LDB3: variants seen among roughly 807,000 people sequenced by gnomAD.
LDB3 encodes the protein LIM domain-binding protein 3.
Under a neutral mutation model 69.0 loss-of-function variants are expected in LDB3, and 49 were observed. That is an observed-to-expected ratio of 0.71 (90% CI 0.56 to 0.90). The LOEUF (loss-of-function observed/expected upper bound fraction) is 0.90. LDB3 is among the 40% of genes least tolerant of loss of function. The pLI is 0.00. For synonymous variants in LDB3, 387 were observed against 396.2 expected (o/e 0.98, Z 0.28); for missense variants, 928 against 974.1 (o/e 0.95, Z 0.63).
At chr10:86,727,200 T>C (rs1362340806) in intron 13 of LDB3, among the ~76,000 whole-genome samples, 8 of 151,854 alleles carry the variant, frequency 5.3e-5, no homozygotes, top group Non-Finnish European at 1.2e-4. Flanking sequence ...TTGTGTATTT[T>C]TAGTAGAGAG....
chr10:86,697,108 C>T (rs1007437580), intron 7 of LDB3, among the ~76,000 whole-genome samples: 3 of 152,158 alleles, frequency 2.0e-5, no homozygotes, highest in African/African-American at 2.4e-5. Flanking sequence ...GACATGGGGG[C>T]CAGCCCCGAT....
intron 7 of LDB3, among the ~76,000 whole-genome samples, chr10:86,705,596 T>TG (rs1195928852): frequency 3.3e-5 from 5 of 152,166 alleles, no homozygotes; most frequent in African/African-American, 9.6e-5. Flanking sequence ...GCACTCAGGG[T>TG]GGGGGTGTGG....
At chr10:86,676,427 G>A (rs989734948) in intron 2 of LDB3, among the ~76,000 whole-genome samples, 1 of 152,088 alleles carries the variant, frequency 6.6e-6, no homozygotes, top group African/African-American at 2.4e-5. Flanking sequence ...GCCGGGCATG[G>A]TGGCATGCGC....
Position 86,716,374 on chromosome 10 carries a change from A to G in LDB3, c.1279A>G (p.Thr427Ala), listed in dbSNP as rs1589674440. The G allele has an allele frequency of 5.6e-6, 9 of 1,597,178 alleles. No individual in the cohort carries two copies. Among genetic ancestry groups the G allele is most frequent in the Non-Finnish European group, 7.7e-6 (9 of 1,175,320 alleles). ...SPSPGANYSP[T>A]PYTPSPAPAY... ...GTCCCCAGGGGCCAATTACAGTCCC[A>G]CTCCCTACACCCCCTCCCCTGCCCC... Residue 427 changes from threonine to alanine, a missense_variant, in exon 10 of 14, where the codon ACT (threonine) becomes GCT (alanine). Transcript: ENST00000361373.
intron 7 of LDB3, among the ~76,000 whole-genome samples, chr10:86,696,950 G>C (rs1445605205): frequency 6.6e-6 from 1 of 152,194 alleles, no homozygotes; most frequent in East Asian, 1.9e-4. Flanking sequence ...CTAGACTGGT[G>C]GTTTTCAAAT....
chr10:86,685,774 G>A, intron 5 of LDB3: 2 of 1,542,120 alleles, frequency 1.3e-6, no homozygotes, highest in Non-Finnish European at 1.8e-6. Context: ...GTCTGGCGTG[G>A]ATAGAGTGTG....
chr10:86,674,847 A>G (rs188795481), intron 2 of LDB3, among the ~76,000 whole-genome samples: 371 of 152,254 alleles, frequency 2.4e-3, no homozygotes, highest in Non-Finnish European at 4.4e-3. Context: ...GACTCTGGGC[A>G]AGGGTCTGAG....
chr10:86,671,676 G>A (rs1187473629), intron 2 of LDB3, among the ~76,000 whole-genome samples: 5 of 152,228 alleles, frequency 3.3e-5, no homozygotes, highest in Non-Finnish European at 7.3e-5. Flanking sequence ...GGCTGGGGCT[G>A]TGGTCTGGGG....
Position 86,681,681 on chromosome 10 carries a change from G to T in LDB3, c.567G>T (p.Ser189=), listed in dbSNP as rs778777214. Residue 189 remains serine (S), a synonymous_variant, in exon 5 of 14, where the codon TCG becomes TCT. Coordinates refer to ENST00000361373, the MANE Select transcript of LDB3 (RefSeq NM_007078.3). The part of the protein sequence containing the change: ...DLLGPKALPG[S]SQPRQYNNPI... ...TCGGCCCAAAAGCCCTGCCGGGCTC[G>T]AGCCAGCCGAGGCAATATAACAACC... 5 of 1,613,440 alleles carry T rather than the reference G, an allele frequency of 3.1e-6. No homozygotes were observed. The highest frequency in any genetic ancestry group is 2.2e-5 in the South Asian group (2 of 91,058).
intron 2 of LDB3, among the ~76,000 whole-genome samples, chr10:86,674,952 C>G (rs1254995431): frequency 1.3e-5 from 2 of 151,982 alleles, no homozygotes; most frequent in Admixed American, 6.5e-5. Context: ...CTGCCTCCAT[C>G]CTGCCTGAAG....
chr10:86,670,829 T>C (rs1286911782), intron 2 of LDB3, among the ~76,000 whole-genome samples: 2 of 152,254 alleles, frequency 1.3e-5, no homozygotes, highest in African/African-American at 2.4e-5. Context: ...GACTGGGTAC[T>C]GGAGCCTTCC....
intron 6 of LDB3, 66 bp downstream of exon 6, chr10:86,692,131 C>A: frequency 6.4e-7 from 1 of 1,572,004 alleles, no homozygotes; most frequent in South Asian, 1.1e-5. Context: ...GGGACCTGGG[C>A]CCAGCACTGC....
chr10:86,693,756 G>A (rs1845879444), intron 7 of LDB3, among the ~76,000 whole-genome samples: 1 of 152,212 alleles, frequency 6.6e-6, no homozygotes, highest in Non-Finnish European at 1.5e-5. Context: ...AAGTGCCAGA[G>A]CTCTCAGCTC....
At chr10:86,693,227 T>G (rs1845851119) in intron 7 of LDB3, among the ~76,000 whole-genome samples, 1 of 149,884 alleles carries the variant, frequency 6.7e-6, no homozygotes, top group Non-Finnish European at 1.5e-5. Flanking sequence ...TAGCATGAGG[T>G]GGGCATGGGG....
chr10:86,673,567 A>T (rs374963515), intron 2 of LDB3, among the ~76,000 whole-genome samples: 12 of 152,002 alleles, frequency 7.9e-5, no homozygotes, highest in African/African-American at 2.9e-4. Context: ...CCATGGGGAG[A>T]CAGAAGGTTC....
At chr10:86,668,863 C>T (rs1589599355) in intron 2 of LDB3, 79 bp downstream of exon 2, 1 of 1,094,882 alleles carries the variant, frequency 9.1e-7, no homozygotes, top group Non-Finnish European at 1.4e-6. Context: ...GTCTGTCTGT[C>T]TGTCCTTTCT....
At chr10:86,670,905 G>A (rs2244769) in intron 2 of LDB3, among the ~76,000 whole-genome samples, 15,087 of 152,286 alleles carry the variant, frequency 0.099, 1,008 homozygotes, top group Non-Finnish European at 0.14. Context: ...TTGTGTCCTG[G>A]TTCAGTGCCG....
At chr10:86,669,988 G>T (rs530487789) in intron 2 of LDB3, among the ~76,000 whole-genome samples, 1 of 152,254 alleles carries the variant, frequency 6.6e-6, no homozygotes, top group East Asian at 1.9e-4. Context: ...AGGGAACCTG[G>T]GCAGCGGGTC....
At chr10:86,680,494 C>A (rs1222881177) in intron 4 of LDB3, among the ~76,000 whole-genome samples, 2 of 152,202 alleles carry the variant, frequency 1.3e-5, no homozygotes, top group African/African-American at 4.8e-5. Flanking sequence ...GGACGAGCGT[C>A]CAGGCTCTGA....
Sources: allele counts gnomAD v4.1 joint callset (sites outside exome capture counted in the v4.1 genomes callset), GRCh38; gene constraint gnomAD v4.1.1; transcripts MANE v1.5; gene names NCBI Gene and HGNC (gene_info 2026-07-23, HGNC 2026-07-21).